Variants in COL4A3 observed in about 807,000 individuals in gnomAD.
COL4A3 encodes the protein collagen alpha-3(IV) chain.
In COL4A3, 135 loss-of-function variants were observed where a neutral mutation model predicts 217.4. The observed-to-expected ratio is 0.62, with a 90% CI of 0.54 to 0.72. The LOEUF (loss-of-function observed/expected upper bound fraction) is 0.72, where lower values mean the gene tolerates loss of function less well. Ranked by LOEUF, COL4A3 falls within the 30% of genes least tolerant of loss-of-function variation. The pLI, the probability that COL4A3 is intolerant of heterozygous loss-of-function variation, is 0.00. For missense variants in COL4A3, 1,868 were observed against 2,119.9 expected (o/e 0.88, Z 2.33); for synonymous variants, 690 against 736.3 (o/e 0.94, Z 1.02).
At chr2:227,186,140 G>A in intron 1 of COL4A3, among the ~76,000 whole-genome samples, 1 of 152,166 alleles carries the variant, frequency 6.6e-6, no homozygotes, top group East Asian at 1.9e-4. Context: ...CCACCCTTGG[G>A]GTGGTGTTTG....
rs1244132148 is a variant in COL4A3, at chr2:227,164,806, C to A, written c.80C>A (p.Ala27Asp). The change falls in exon 1 of 52, where the codon GCC becomes GAC. Residue 27 changes from alanine to aspartate, a missense_variant. Ala to Asp is a moderately radical substitution (Grantham distance 126, BLOSUM62 -2). Coordinates refer to ENST00000396578, the MANE Select transcript of COL4A3 (RefSeq NM_000091.5). The surrounding 1 kb of genome is among the most constrained non-coding windows in gnomAD (Gnocchi z 4.8). ...LLVLLAAAPA[A>D]SKGCVCKDKG... is the part of the protein sequence containing the mutation. ...GTGCTCCTGGCGGCGGCGCCCGCAG[C>A]CAGCAAGGTGAGTGGGGGCTGCGCG... 5 of 1,517,440 alleles carry A rather than the reference C, an allele frequency of 3.3e-6. No individual in the cohort carries two copies. The highest frequency in any genetic ancestry group is 4.4e-6 in the Non-Finnish European group (5 of 1,139,764). 94.0% of individuals were successfully genotyped at this position (1,517,440 alleles called of 1,614,324 possible). A position where few individuals can be genotyped will look rare whatever the true frequency, so the allele number is the denominator to read the frequency against.
Position 227,164,840 on chromosome 2 carries a change from C to A in COL4A3, c.87+27C>A. The A allele has an allele frequency of 6.7e-7, 1 of 1,491,116 alleles. No homozygotes were observed. Among genetic ancestry groups the A allele is most frequent in the Non-Finnish European group, 8.9e-7 (1 of 1,127,384 alleles). The allele number at this position is 1,491,116 out of a possible 1,614,324, so 92.4% of individuals were successfully genotyped here. On this transcript the variant is annotated intron_variant, in intron 1 of 51. Coordinates refer to ENST00000396578, the MANE Select transcript of COL4A3 (RefSeq NM_000091.5). The surrounding 1 kb of genome is among the most constrained non-coding windows in gnomAD (Gnocchi z 4.8). ...TGAGTGGGGGCTGCGCGACCCCCAC[C>A]CCCGCACTTCCATCCCTCCTCCACG...
At position 227,313,283 on chromosome 2, in the gene COL4A3, T is replaced by C. The variant is rs1354399076; in HGVS notation, c.*1413T>C. On this transcript the variant is annotated 3_prime_UTR_variant, in exon 52 of 52. Transcript: ENST00000396578. ...CTAGTTTTTTCTTCCTTTTCACTGC[T>C]GTTATATTTCATCATGATAATTCAG... 1 of 152,646 alleles carries C rather than the reference T, an allele frequency of 6.6e-6. No individual in the cohort carries two copies. The highest frequency in any genetic ancestry group is 1.5e-5 in the Non-Finnish European group (1 of 68,044). The allele number at this position is 152,646 out of a possible 1,614,324, so 9.5% of individuals were successfully genotyped here.
chr2:227,215,183 T>C (rs1487741446), intron 1 of COL4A3, among the ~76,000 whole-genome samples: 1 of 152,116 alleles, frequency 6.6e-6, no homozygotes, highest in Non-Finnish European at 1.5e-5. Context: ...AAAGTCATTA[T>C]CGTTTTTCCC....
intron 1 of COL4A3, among the ~76,000 whole-genome samples, chr2:227,233,300 A>G (rs1215814712): frequency 1.8e-4 from 27 of 151,636 alleles, no homozygotes; most frequent in Admixed American, 1.8e-3. Flanking sequence ...GAAGTGAGCC[A>G]CCATGCCTGG....
chr2:227,241,984 C>G (rs2069051315), intron 3 of COL4A3, among the ~76,000 whole-genome samples: 1 of 152,198 alleles, frequency 6.6e-6, no homozygotes, highest in Non-Finnish European at 1.5e-5. Flanking sequence ...TGGTTTGACA[C>G]TGTGTGTGGG....
Position 227,238,038 on chromosome 2 carries a change from C to G in COL4A3, c.144+14C>G. The G allele has an allele frequency of 6.5e-7, 1 of 1,535,394 alleles. No individual in the cohort carries two copies. Among genetic ancestry groups the G allele is most frequent in the Non-Finnish European group, 9.0e-7 (1 of 1,108,314 alleles). ...AAAGGGGAGAAGGTAAAAACAAACC[C>G]TAATACTGCTTGTTTACACTGTAAA... On this transcript the variant is annotated intron_variant, in intron 2 of 51. Transcript: ENST00000396578.
At chr2:227,233,050 G>A (rs969456430) in intron 1 of COL4A3, among the ~76,000 whole-genome samples, 42 of 152,090 alleles carry the variant, frequency 2.8e-4, no homozygotes, top group Non-Finnish European at 5.0e-4. Flanking sequence ...GTCTAGCTCT[G>A]TCACCCAGGC....
intron 3 of COL4A3, among the ~76,000 whole-genome samples, chr2:227,243,849 G>C (rs891155046): frequency 1.3e-5 from 2 of 152,154 alleles, no homozygotes; most frequent in African/African-American, 4.8e-5. Context: ...TGTTAATAGA[G>C]TGTTTCTTGT....
At position 227,273,305 on chromosome 2, in the gene COL4A3, C is replaced by G. The variant is rs1001711875; in HGVS notation, c.1927+188C>G. ...GAGAAAACTCATTTTTTCTCCATTACTGGGCAATTCAACTGAAATTTCCTA... is the reference window on the plus strand; with the variant it reads ...GAGAAAACTCATTTTTTCTCCATTAGTGGGCAATTCAACTGAAATTTCCTA... On this transcript the variant is annotated intron_variant, in intron 26 of 51. Transcript: ENST00000396578. Among the ~76,000 whole-genome samples the G allele has an allele frequency of 2.6e-5, 4 of 152,244 alleles. No individual in the cohort carries two copies. The South Asian group carries it at 8.3e-4, about 32-fold the overall frequency.
At position 227,311,918 on chromosome 2, in the gene COL4A3, G is replaced by A; in HGVS notation, c.*48G>A. The A allele has an allele frequency of 6.2e-7, 1 of 1,610,244 alleles. No homozygotes were observed. The highest frequency in any genetic ancestry group is 8.5e-7 in the Non-Finnish European group (1 of 1,177,822). ...GCTATTTTTCATCCTAAAGAACAAA[G>A]TAATGACAGAACATGCTGTTATTTA... is the stretch of plus-strand genomic sequence containing the variant. On this transcript the variant is annotated 3_prime_UTR_variant, in exon 52 of 52. Coordinates refer to ENST00000396578, the MANE Select transcript of COL4A3 (RefSeq NM_000091.5).
At chr2:227,196,295 C>G (rs1464659301) in intron 1 of COL4A3, among the ~76,000 whole-genome samples, 2 of 151,960 alleles carry the variant, frequency 1.3e-5, no homozygotes, top group East Asian at 1.9e-4. Flanking sequence ...ATGGAAAATG[C>G]CCTATATAGG....
At chr2:227,238,315 C>A in intron 2 of COL4A3, 1 of 291,422 alleles carries the variant, frequency 3.4e-6, no homozygotes. Flanking sequence ...TGACAAGTCT[C>A]CATATGTATA....
intron 1 of COL4A3, among the ~76,000 whole-genome samples, chr2:227,171,086 A>G (rs2065457183): frequency 6.6e-6 from 1 of 152,222 alleles, no homozygotes; most frequent in Non-Finnish European, 1.5e-5. Context: ...TTAATGGCTT[A>G]TTAGCTGAAT....
chr2:227,202,612 G>A (rs1489023943), intron 1 of COL4A3, among the ~76,000 whole-genome samples: 1 of 151,192 alleles, frequency 6.6e-6, no homozygotes, highest in Non-Finnish European at 1.5e-5. Context: ...GCGGGCACCT[G>A]TAGTCCCAGC....
At chr2:227,211,806 C>T (rs1037477970) in intron 1 of COL4A3, among the ~76,000 whole-genome samples, 12 of 151,838 alleles carry the variant, frequency 7.9e-5, no homozygotes, top group East Asian at 1.9e-4. Flanking sequence ...TACAGGGGTG[C>T]GCCACCACGC....
intron 1 of COL4A3, among the ~76,000 whole-genome samples, chr2:227,218,278 A>G (rs1042369689): frequency 4.0e-5 from 6 of 151,840 alleles, no homozygotes; most frequent in Non-Finnish European, 5.9e-5. Context: ...CATCCTGGCT[A>G]ACACGGTGAA....
At chr2:227,207,047 A>G (rs973674884) in intron 1 of COL4A3, among the ~76,000 whole-genome samples, 12 of 152,116 alleles carry the variant, frequency 7.9e-5, no homozygotes, top group Admixed American at 7.2e-4. Flanking sequence ...GGGCTCTGAT[A>G]TGTACTCCAG....
intron 28 of COL4A3, among the ~76,000 whole-genome samples, chr2:227,278,621 A>G (rs571364359): frequency 6.6e-6 from 1 of 152,210 alleles, no homozygotes; most frequent in East Asian, 1.9e-4. Context: ...TTTCTTCCTA[A>G]TGATCTGTGA....
Sources: gnomAD v4.1 joint callset for allele counts (sites outside exome capture counted in the v4.1 genomes callset) on GRCh38, gnomAD v4.1.1 for gene constraint, Gnocchi (gnomAD v3.1) non-coding constraint, MANE v1.5 for transcripts, NCBI Gene and HGNC (gene_info 2026-07-23, HGNC 2026-07-21) for gene names.